The following STAC variants were observed in gnomAD, a reference collection of about 807,000 sequenced individuals.
STAC encodes SH3 and cysteine rich domain, also known as SH3 and cysteine-rich domain-containing protein.
In STAC, 43 loss-of-function variants were observed where a neutral mutation model predicts 48.8. The observed-to-expected ratio is 0.88, with a 90% CI of 0.69 to 1.14. The LOEUF (loss-of-function observed/expected upper bound fraction) is 1.14. Among genes scored for constraint, STAC ranks in the 50% most tolerant of loss-of-function variants. The pLI is 0.00. For missense variants in STAC, 497 were observed against 504.0 expected, an observed-to-expected ratio of 0.99 and a Z score of 0.13; for synonymous variants, 193 against 179.5, an observed-to-expected ratio of 1.07 and a Z score of -0.60.
chr3:36,511,636 C>T (rs1490148035), intron 8 of STAC, among the ~76,000 whole-genome samples: 1 of 152,212 alleles, frequency 6.6e-6, no homozygotes, highest in Admixed American at 6.5e-5. Flanking sequence ...GAGGTAGACG[C>T]CACTTGTCTG....
chr3:36,475,543 C>T (rs149788572), intron 2 of STAC, among the ~76,000 whole-genome samples: 1 of 152,136 alleles, frequency 6.6e-6, no homozygotes, highest in South Asian at 2.1e-4. Context: ...GCAGGCATTT[C>T]TGGGTTATAT....
intron 2 of STAC, among the ~76,000 whole-genome samples, chr3:36,461,154 A>C (rs1338485357): frequency 6.6e-6 from 1 of 152,144 alleles, no homozygotes; most frequent in East Asian, 1.9e-4. Context: ...TGTACTTTTC[A>C]ATATTTATTT....
At chr3:36,452,928 C>A (rs926936348) in intron 2 of STAC, among the ~76,000 whole-genome samples, 9 of 152,208 alleles carry the variant, frequency 5.9e-5, no homozygotes, top group African/African-American at 2.2e-4. Context: ...CTCAACAAGC[C>A]TTCTGGTGCT....
intron 2 of STAC, among the ~76,000 whole-genome samples, chr3:36,466,542 G>A (rs1359467851): frequency 6.6e-6 from 1 of 152,090 alleles, no homozygotes; most frequent in Non-Finnish European, 1.5e-5. Flanking sequence ...AACATGAGAT[G>A]TGTTTCCATT....
chr3:36,513,695 T>C (rs921611814), intron 8 of STAC, among the ~76,000 whole-genome samples: 64 of 152,268 alleles, frequency 4.2e-4, no homozygotes, highest in Admixed American at 3.7e-3. Context: ...GTCCTGCCCT[T>C]ACCGCCCTTA....
intron 1 of STAC, among the ~76,000 whole-genome samples, chr3:36,430,003 G>A (rs900271819): frequency 3.9e-5 from 6 of 152,124 alleles, no homozygotes. Context: ...TAGAAAATGG[G>A]GTTCAAGATG....
intron 2 of STAC, among the ~76,000 whole-genome samples, chr3:36,476,005 T>G (rs1291817997): frequency 1.3e-5 from 2 of 152,238 alleles, no homozygotes; most frequent in Admixed American, 1.3e-4. Flanking sequence ...CATAAAGACC[T>G]GTAGGCAGAC....
At chr3:36,506,806 A>G (rs572668543) in intron 8 of STAC, among the ~76,000 whole-genome samples, 2 of 152,316 alleles carry the variant, frequency 1.3e-5, no homozygotes, top group South Asian at 4.1e-4. Context: ...GTTGCCTATC[A>G]GCTTAAGGAG....
At chr3:36,388,243 C>A (rs1329959806) in intron 1 of STAC, among the ~76,000 whole-genome samples, 1 of 152,070 alleles carries the variant, frequency 6.6e-6, no homozygotes, top group African/African-American at 2.4e-5. Context: ...ATTTTACTTA[C>A]ATTTATTCAT....
intron 8 of STAC, among the ~76,000 whole-genome samples, chr3:36,515,975 CTTTTTTTTT>C (rs1203330014): frequency 6.8e-4 from 42 of 61,460 alleles, no homozygotes; most frequent in Admixed American, 2.2e-3. Context: ...CATTTTTCTC[CTTTTTTTTT>C]TTTTTTTTTT....
chr3:36,464,502 C>A (rs1321233181), intron 2 of STAC, among the ~76,000 whole-genome samples: 2 of 152,036 alleles, frequency 1.3e-5, no homozygotes, highest in East Asian at 3.9e-4. Flanking sequence ...ATAATAAGTT[C>A]TTTAGTGGTG....
At chr3:36,488,963 C>T (rs917241974) in intron 5 of STAC, among the ~76,000 whole-genome samples, 3 of 152,098 alleles carry the variant, frequency 2.0e-5, no homozygotes, top group Non-Finnish European at 4.4e-5. Flanking sequence ...CCCACTTTCC[C>T]CTGAACTCCC....
intron 1 of STAC, among the ~76,000 whole-genome samples, chr3:36,414,934 C>T (rs997205405): frequency 6.6e-6 from 1 of 152,250 alleles, no homozygotes; most frequent in Non-Finnish European, 1.5e-5. Flanking sequence ...TAGAGGTCCA[C>T]TCCAGACCCT....
At chr3:36,389,619 T>C (rs1469778086) in intron 1 of STAC, among the ~76,000 whole-genome samples, 1 of 152,224 alleles carries the variant, frequency 6.6e-6, no homozygotes, top group Non-Finnish European at 1.5e-5. Context: ...GAAATTCATT[T>C]TTATATTAAT....
At chr3:36,444,102 A>G (rs1446181222) in intron 2 of STAC, among the ~76,000 whole-genome samples, 1 of 152,208 alleles carries the variant, frequency 6.6e-6, no homozygotes, top group African/African-American at 2.4e-5. Flanking sequence ...ACCCTTTGCC[A>G]AGGCTCAGTT....
chr3:36,475,730 T>C (rs1014919168), intron 2 of STAC, among the ~76,000 whole-genome samples: 3 of 152,122 alleles, frequency 2.0e-5, no homozygotes, highest in Non-Finnish European at 4.4e-5. Context: ...ATTATAAAGG[T>C]CAAGAGGCAC....
intron 10 of STAC, among the ~76,000 whole-genome samples, chr3:36,542,028 G>GAAA (rs1257082654): frequency 1.3e-5 from 2 of 150,166 alleles, no homozygotes; most frequent in Non-Finnish European, 3.0e-5. Flanking sequence ...GGTGGCAGGA[G>GAAA]AAAAAAACAG....
rs747757187 is a variant in STAC, at chr3:36,380,597, G to A, written c.-47G>A. Reference sequence around the variant, plus strand: ...GGCGGGCAGGGCGCGCAGGACAGAAGCCTCGCTGTTCCTCCGGGAGCCCAA... The same window carrying A: ...GGCGGGCAGGGCGCGCAGGACAGAAACCTCGCTGTTCCTCCGGGAGCCCAA... On this transcript the variant is annotated 5_prime_UTR_variant, in exon 1 of 11. Transcript: ENST00000273183. 6.9e-7 allele frequency: 1 copy of A among 1,448,890 alleles called. No individual in the cohort carries two copies. The highest frequency in any genetic ancestry group is 1.2e-5 in the South Asian group (1 of 82,170). 89.8% of individuals were successfully genotyped at this position (1,448,890 alleles called of 1,614,324 possible). A position where few individuals can be genotyped will look rare whatever the true frequency, so the allele number is the denominator to read the frequency against.
At chr3:36,449,290 A>C (rs1472042425) in intron 2 of STAC, among the ~76,000 whole-genome samples, 1 of 152,222 alleles carries the variant, frequency 6.6e-6, no homozygotes, top group Non-Finnish European at 1.5e-5. Flanking sequence ...TGGAGAACAG[A>C]GGCAGTGGGA....
Sources: allele counts gnomAD v4.1 joint callset (sites outside exome capture counted in the v4.1 genomes callset), GRCh38; gene constraint gnomAD v4.1.1; transcripts MANE v1.5; gene names NCBI Gene and HGNC (gene_info 2026-07-23, HGNC 2026-07-21).